The following PTPRZ1 variants were observed in gnomAD, a reference collection of about 807,000 sequenced individuals.
The protein encoded by PTPRZ1 is protein tyrosine phosphatase receptor type Z1.
In PTPRZ1, 82 loss-of-function variants were observed where a neutral mutation model predicts 214.1. The observed-to-expected ratio is 0.38, with a 90% CI of 0.32 to 0.46. PTPRZ1 has a LOEUF of 0.46. Among genes scored for constraint, PTPRZ1 ranks in the 20% least tolerant of loss-of-function variants. PTPRZ1 has a pLI of 1.00. For synonymous variants in PTPRZ1, 945 were observed against 987.9 expected (o/e 0.96, Z 0.81); for missense variants, 2,603 against 2,748.7 (o/e 0.95, Z 1.19).
intron 17 of PTPRZ1, among the ~76,000 whole-genome samples, chr7:122,036,398 G>T (rs1250198473): frequency 6.6e-6 from 1 of 152,100 alleles, no homozygotes; most frequent in Non-Finnish European, 1.5e-5. Flanking sequence ...TATTACCTTA[G>T]AAATGTTCCT....
intron 7 of PTPRZ1, 62 bp from the exon 8 acceptor site, chr7:121,983,904 AT>A (rs2116568914): frequency 6.3e-7 from 1 of 1,588,310 alleles, no homozygotes; most frequent in Admixed American, 1.7e-5. Context: ...TAAAATATCC[AT>A]TTTAAAGCAT....
At chr7:122,023,572 T>C (rs1436436264) in intron 13 of PTPRZ1, among the ~76,000 whole-genome samples, 1 of 133,850 alleles carries the variant, frequency 7.5e-6, no homozygotes, top group Non-Finnish European at 1.6e-5. Flanking sequence ...ATGTATAATT[T>C]TATATATAAT....
chr7:121,919,959 G>A (rs949592754), intron 1 of PTPRZ1, among the ~76,000 whole-genome samples: 2 of 151,832 alleles, frequency 1.3e-5, no homozygotes, highest in Non-Finnish European at 2.9e-5. Flanking sequence ...AGTGAGATTT[G>A]ACCTATTCAT....
rs1798332273 is a variant in PTPRZ1, at chr7:122,001,759, A to C, written c.1241-2855A>C. On this transcript the variant is annotated intron_variant, in intron 10 of 29. Coordinates refer to ENST00000393386, the MANE Select transcript of PTPRZ1 (RefSeq NM_002851.3). Reference sequence around the variant, plus strand: ...TGTGTTTTTTTTAATTTAACATTACATGTGTCCCAAAACAAAACCAGAATG... The same window carrying C: ...TGTGTTTTTTTTAATTTAACATTACCTGTGTCCCAAAACAAAACCAGAATG... 4.6e-5 allele frequency among the ~76,000 whole-genome samples: 7 copies of C among 152,102 alleles called. No individual in the cohort carries two copies. The South Asian group carries it at 1.5e-3, about 32-fold the overall frequency.
chr7:121,924,317 C>CA (rs1795690294), intron 1 of PTPRZ1, among the ~76,000 whole-genome samples: 1 of 152,044 alleles, frequency 6.6e-6, no homozygotes, highest in Non-Finnish European at 1.5e-5. Flanking sequence ...TATAATGCAA[C>CA]AAAAAAGTGA....
chr7:122,040,746 GTGTGTGT>G (rs1799701665), intron 20 of PTPRZ1, 63 bp from the exon 21 acceptor site: 4 of 434,834 alleles, frequency 9.2e-6, no homozygotes, highest in Non-Finnish European at 1.4e-5. Flanking sequence ...GTGTGTGTGT[GTGTGTGT>G]GTGTGTGTGT....
intron 4 of PTPRZ1, among the ~76,000 whole-genome samples, chr7:121,974,579 C>T (rs994405384): frequency 2.0e-5 from 3 of 152,164 alleles, no homozygotes; most frequent in Non-Finnish European, 4.4e-5. Flanking sequence ...CCTCCACCTC[C>T]TGTGTTCAAG....
At chr7:121,996,981 AC>A (rs1798163728) in intron 9 of PTPRZ1, among the ~76,000 whole-genome samples, 1 of 152,158 alleles carries the variant, frequency 6.6e-6, no homozygotes, top group African/African-American at 2.4e-5. Flanking sequence ...TCTTTGTTGC[AC>A]CAAAAAATTT....
chr7:121,874,207 C>T (rs1793982444), intron 1 of PTPRZ1, among the ~76,000 whole-genome samples: 1 of 152,016 alleles, frequency 6.6e-6, no homozygotes, highest in Non-Finnish European at 1.5e-5. Context: ...GTCAGTGCTG[C>T]CAAAGTCAGA....
chr7:121,909,471 A>G (rs1006914725), intron 1 of PTPRZ1, among the ~76,000 whole-genome samples: 1 of 152,184 alleles, frequency 6.6e-6, no homozygotes, highest in African/African-American at 2.4e-5. Flanking sequence ...ATATTAATCC[A>G]TATGTGTTTT....
rs978276931 is a variant in PTPRZ1 at position 122,061,370 on chromosome 7, C to G, written c.*150C>G. ...TAGGATTCTGCCGCCAAATTTATAT[C>G]ATTAACAATGTGTGCCTTTTTGCAA... On this transcript the variant is annotated 3_prime_UTR_variant, in exon 30 of 30. Coordinates refer to ENST00000393386, the MANE Select transcript of PTPRZ1 (RefSeq NM_002851.3). The G allele has an allele frequency of 6.6e-6, 4 of 608,446 alleles. No homozygotes were observed. Among genetic ancestry groups the G allele is most frequent in the African/African-American group, 5.7e-5 (3 of 52,854 alleles). 37.7% of individuals were successfully genotyped at this position (608,446 alleles called of 1,614,324 possible). A position where few individuals can be genotyped will look rare whatever the true frequency, so the allele number is the denominator to read the frequency against.
At position 121,903,246 on chromosome 7, in the gene PTPRZ1, T is replaced by C. The variant is rs191594315; in HGVS notation, c.59-24910T>C. ...GTAACATTGTGATTTTTAAAATGAA[T>C]TTATCTCATTTGATAAAAATGCATA... On this transcript the variant is annotated intron_variant, in intron 1 of 29. Transcript: ENST00000393386. 5.6e-4 allele frequency among the ~76,000 whole-genome samples: 86 copies of C among 152,340 alleles called. 1 individual carries two copies. Among genetic ancestry groups the C allele is most frequent in the African/African-American group, 1.7e-3 (70 of 41,582 alleles).
intron 10 of PTPRZ1, among the ~76,000 whole-genome samples, chr7:122,002,992 C>CT (rs2116630998): frequency 6.6e-6 from 1 of 152,286 alleles, no homozygotes; most frequent in Non-Finnish European, 1.5e-5. Flanking sequence ...TTAGTCATAG[C>CT]TTTTAGAAAA....
intron 13 of PTPRZ1, among the ~76,000 whole-genome samples, chr7:122,023,104 A>T (rs1363603229): frequency 6.6e-6 from 1 of 152,174 alleles, no homozygotes; most frequent in Non-Finnish European, 1.5e-5. Flanking sequence ...GAACTATAAA[A>T]TTCTTAGAAG....
intron 1 of PTPRZ1, among the ~76,000 whole-genome samples, chr7:121,916,460 C>G (rs966597519): frequency 6.6e-6 from 1 of 152,108 alleles, no homozygotes; most frequent in African/African-American, 2.4e-5. Flanking sequence ...ACAAACAGAA[C>G]AGTAAACCTG....
intron 1 of PTPRZ1, among the ~76,000 whole-genome samples, chr7:121,921,928 T>C (rs1795609791): frequency 6.6e-6 from 1 of 152,178 alleles, no homozygotes; most frequent in Admixed American, 6.5e-5. Flanking sequence ...GTTTCATAAA[T>C]GTCGTTGCAT....
intron 2 of PTPRZ1, among the ~76,000 whole-genome samples, chr7:121,964,293 C>T (rs1339011097): frequency 3.9e-5 from 6 of 152,116 alleles, no homozygotes; most frequent in East Asian, 1.9e-4. Context: ...CTCACAATTC[C>T]GCAGGGCTGG....
At chr7:122,009,421 T>C (rs923801130) in intron 11 of PTPRZ1, among the ~76,000 whole-genome samples, 1 of 148,434 alleles carries the variant, frequency 6.7e-6, no homozygotes, top group Non-Finnish European at 1.5e-5. Flanking sequence ...AGCTGTTGGG[T>C]ACAAAGATAC....
intron 12 of PTPRZ1, among the ~76,000 whole-genome samples, chr7:122,017,657 G>A (rs1198361248): frequency 2.0e-5 from 3 of 151,920 alleles, no homozygotes; most frequent in Non-Finnish European, 2.9e-5. Context: ...TACTTCCCGG[G>A]TTCAGGCCAT....
Sources: allele counts gnomAD v4.1 joint callset (sites outside exome capture counted in the v4.1 genomes callset), GRCh38; gene constraint gnomAD v4.1.1; transcripts MANE v1.5; gene names NCBI Gene and HGNC (gene_info 2026-07-23, HGNC 2026-07-21).